Variants in IGSF21 observed in about 807,000 individuals in gnomAD.
IGSF21 encodes immunoglobin superfamily member 21.
A neutral mutation model predicts 46.8 loss-of-function variants in IGSF21; 28 were observed. The observed-to-expected ratio is 0.60, with a 90% CI of 0.44 to 0.82. The LOEUF (loss-of-function observed/expected upper bound fraction) is 0.82. Ranked by LOEUF, IGSF21 falls within the 40% of genes least tolerant of loss-of-function variation. IGSF21 has a pLI of 0.00. For synonymous variants in IGSF21, 284 were observed against 273.6 expected (o/e 1.04, Z -0.38); for missense variants, 624 against 665.5 (o/e 0.94, Z 0.69).
intron 4 of IGSF21, among the ~76,000 whole-genome samples, chr1:18,360,538 T>C (rs955449571): frequency 6.6e-6 from 1 of 152,126 alleles, no homozygotes; most frequent in African/African-American, 2.4e-5. Flanking sequence ...TGTCAGGAAA[T>C]GTTTGTCGAA....
intron 1 of IGSF21, among the ~76,000 whole-genome samples, chr1:18,227,385 G>T (rs2084578699): frequency 6.6e-6 from 1 of 152,000 alleles, no homozygotes; most frequent in Non-Finnish European, 1.5e-5. Flanking sequence ...TGGTGGTGGG[G>T]CTTAAGGGGT....
intron 6 of IGSF21, among the ~76,000 whole-genome samples, chr1:18,372,926 G>A (rs1238119186): frequency 6.6e-6 from 1 of 151,766 alleles, no homozygotes; most frequent in Non-Finnish European, 1.5e-5. Flanking sequence ...GTCTTAGAAA[G>A]CATCCAGAAT....
rs193043464 is a variant in IGSF21 at position 18,109,123 on chromosome 1, C to T, written c.70+925C>T. On this transcript the variant is annotated intron_variant, in intron 1 of 9. Transcript: ENST00000251296. The surrounding 1 kb of genome is among the most constrained non-coding windows in gnomAD (Gnocchi z 4.8). Reference sequence around the variant, plus strand: ...GAGGTGGCTCCGCAGCCCCAGGGTCCGCGGCCGGCCTCCCACCCAGTGCCG... The same window carrying T: ...GAGGTGGCTCCGCAGCCCCAGGGTCTGCGGCCGGCCTCCCACCCAGTGCCG... Among the ~76,000 whole-genome samples the T allele has an allele frequency of 1.9e-3, 286 of 152,046 alleles. 1 individual carries two copies. Among genetic ancestry groups the T allele is most frequent in the Non-Finnish European group, 2.7e-3 (186 of 67,970 alleles).
At chr1:18,347,399 C>G (rs1015581886) in intron 4 of IGSF21, among the ~76,000 whole-genome samples, 2 of 152,148 alleles carry the variant, frequency 1.3e-5, no homozygotes, top group Non-Finnish European at 2.9e-5. Context: ...GGGACCAGAG[C>G]CCTTGACGTT....
chr1:18,225,081 T>TCACA (rs1254329422), intron 1 of IGSF21, among the ~76,000 whole-genome samples: 1 of 31,136 alleles, frequency 3.2e-5, no homozygotes, highest in African/African-American at 5.8e-5. Context: ...TCTCTCTCTC[T>TCACA]CTCTCACACA....
rs548150856 is a variant in IGSF21, at chr1:18,293,236, C to A, written c.305+1249C>A. 7.1e-4 allele frequency among the ~76,000 whole-genome samples: 108 copies of A among 152,314 alleles called. No homozygotes were observed. In the Middle Eastern group the frequency reaches 0.031, roughly 43 times the overall value. On this transcript the variant is annotated intron_variant, in intron 3 of 9. Transcript: ENST00000251296. Reference sequence around the variant, plus strand: ...CCCAGGGCCTGGCACACAGTGGGTACATAATGAAATTTGCAAAATGAGTGG... The same window carrying A: ...CCCAGGGCCTGGCACACAGTGGGTAAATAATGAAATTTGCAAAATGAGTGG...
chr1:18,256,409 C>T (rs1347066183), intron 2 of IGSF21, among the ~76,000 whole-genome samples: 1 of 152,184 alleles, frequency 6.6e-6, no homozygotes. Context: ...CAATAGGCTT[C>T]CAGTTCCCCA....
At chr1:18,333,588 G>T (rs896269628) in intron 3 of IGSF21, among the ~76,000 whole-genome samples, 1 of 152,180 alleles carries the variant, frequency 6.6e-6, no homozygotes, top group Non-Finnish European at 1.5e-5. Flanking sequence ...CAGGAGAGAT[G>T]GACTGACTTA....
intron 3 of IGSF21, among the ~76,000 whole-genome samples, chr1:18,304,256 T>C (rs966821310): frequency 2.0e-5 from 3 of 152,000 alleles, no homozygotes; most frequent in Admixed American, 6.6e-5. Flanking sequence ...AACTCACGAG[T>C]TGTTTGAATC....
At chr1:18,222,969 C>T (rs984269901) in intron 1 of IGSF21, among the ~76,000 whole-genome samples, 1 of 152,194 alleles carries the variant, frequency 6.6e-6, no homozygotes, top group African/African-American at 2.4e-5. Flanking sequence ...TTGCCTGGCA[C>T]ATCTGTTGGA....
chr1:18,150,463 C>T (rs893061847), intron 1 of IGSF21, among the ~76,000 whole-genome samples: 7 of 152,114 alleles, frequency 4.6e-5, no homozygotes, highest in African/African-American at 1.2e-4. Flanking sequence ...GAGTTCCTGC[C>T]GTGTGCAGTC....
intron 2 of IGSF21, among the ~76,000 whole-genome samples, chr1:18,241,220 A>G (rs2084724654): frequency 6.6e-6 from 1 of 152,204 alleles, no homozygotes; most frequent in African/African-American, 2.4e-5. Flanking sequence ...TCCATGCCAC[A>G]CTGCTTTAAA....
rs766575681 is a variant in IGSF21, at chr1:18,378,322, C to T, written c.1400C>T (p.Thr467Met). 5.6e-6 allele frequency: 9 copies of T among 1,612,394 alleles called. No homozygotes were observed. Among genetic ancestry groups the T allele is most frequent in the Non-Finnish European group, 7.6e-6 (9 of 1,179,022 alleles). The change falls in exon 10 of 10, where the codon ACG becomes ATG. Residue 467 changes from threonine to methionine, a missense_variant. By Grantham distance (81) the Thr-to-Met change is moderately conservative. Coordinates refer to ENST00000251296, the MANE Select transcript of IGSF21 (RefSeq NM_032880.5). The part of the protein sequence containing the change: ...VLALTVILEL[T>M] ...GCCCTGACAGTGATTCTGGAGCTGACGTGAAGGCACCCGCCCCGGCCACTC... is the reference window on the plus strand; with the variant it reads ...GCCCTGACAGTGATTCTGGAGCTGATGTGAAGGCACCCGCCCCGGCCACTC...
At chr1:18,336,300 C>T (rs1054123302) in intron 4 of IGSF21, among the ~76,000 whole-genome samples, 1 of 152,154 alleles carries the variant, frequency 6.6e-6, no homozygotes, top group Admixed American at 6.6e-5. Context: ...AGGTGGGTGG[C>T]TGCTAGCATA....
chr1:18,239,322 T>TC (rs143018573), intron 2 of IGSF21, among the ~76,000 whole-genome samples: 2,346 of 152,118 alleles, frequency 0.015, 50 homozygotes, highest in South Asian at 0.095. Context: ...AAATCCTTTC[T>TC]CCCCTCCTCT....
intron 1 of IGSF21, among the ~76,000 whole-genome samples, chr1:18,173,159 G>A (rs2086757682): frequency 6.6e-6 from 1 of 152,050 alleles, no homozygotes; most frequent in South Asian, 2.1e-4. Flanking sequence ...GTGGTGGCGG[G>A]TGCCTGTAGT....
intron 6 of IGSF21, among the ~76,000 whole-genome samples, chr1:18,372,857 GAT>G (rs1404243933): frequency 4.6e-4 from 41 of 90,054 alleles, no homozygotes; most frequent in Middle Eastern, 5.3e-3. Flanking sequence ...TGGATGGATG[GAT>G]GGATGGGTGG....
chr1:18,238,366 C>T (rs1280309496), intron 2 of IGSF21, among the ~76,000 whole-genome samples: 5 of 152,128 alleles, frequency 3.3e-5, no homozygotes, highest in South Asian at 2.1e-4. Context: ...GATTGGGATC[C>T]GTCCAGACAC....
intron 2 of IGSF21, among the ~76,000 whole-genome samples, chr1:18,228,354 G>A (rs997566220): frequency 5.9e-5 from 9 of 152,198 alleles, no homozygotes; most frequent in Non-Finnish European, 8.8e-5. Flanking sequence ...TTGAGCATGA[G>A]GCTTCGGATA....
Sources: gnomAD v4.1 joint callset for allele counts (sites outside exome capture counted in the v4.1 genomes callset) on GRCh38, gnomAD v4.1.1 for gene constraint, Gnocchi (gnomAD v3.1) non-coding constraint, MANE v1.5 for transcripts, NCBI Gene and HGNC (gene_info 2026-07-23, HGNC 2026-07-21) for gene names.